Variants in ACKR3 observed in about 807,000 individuals in gnomAD.
ACKR3 encodes atypical chemokine receptor 3, also known as C-X-C chemokine receptor type 7.
ACKR3 carries 6 observed loss-of-function variants against 22.4 expected under a neutral mutation model. That is an observed-to-expected ratio of 0.27 (90% CI 0.15 to 0.53). The LOEUF (loss-of-function observed/expected upper bound fraction) is 0.53, where lower values mean the gene tolerates loss of function less well. Ranked by LOEUF, ACKR3 falls within the 20% of genes least tolerant of loss-of-function variation. The probability of loss-of-function intolerance (pLI) is 0.96; values close to 1 mark genes in which losing one functional copy is unlikely to be tolerated. For missense variants in ACKR3, 396 were observed against 475.2 expected (o/e 0.83, Z 1.55); for synonymous variants, 209 against 205.2 (o/e 1.02, Z -0.16).
At chr2:236,552,055 A>G in the ACKR3 span, among the ~76,000 whole-genome samples, 1 of 151,772 alleles carries the variant, frequency 6.6e-6, no homozygotes, top group Non-Finnish European at 1.5e-5. Flanking sequence ...CCTGGTCTCT[A>G]CCCCCGTAGA....
At chr2:236,570,318 C>G (rs144796238) in intron 1 of ACKR3, among the ~76,000 whole-genome samples, 1 of 152,282 alleles carries the variant, frequency 6.6e-6, no homozygotes, top group East Asian at 1.9e-4. Flanking sequence ...CCACTGTTTA[C>G]CTGTTTTGCT....
Position 236,577,173 on chromosome 2 carries a change from G to T in ACKR3, c.-26-3267G>T, listed in dbSNP as rs537952167. Among the ~76,000 whole-genome samples the T allele has an allele frequency of 6.6e-6, 1 of 152,120 alleles. No individual in the cohort carries two copies. Among genetic ancestry groups the T allele is most frequent in the Admixed American group, 6.5e-5 (1 of 15,284 alleles). On this transcript the variant is annotated intron_variant, in intron 1 of 1. Coordinates refer to ENST00000272928, the MANE Select transcript of ACKR3 (RefSeq NM_020311.3). The surrounding 1 kb of genome is among the most constrained non-coding windows in gnomAD (Gnocchi z 5.6). ...GAGTGATGATAGGTGGCCGGTGATC[G>T]GTGGGGCAGTGAGGAGCTCCAGCCT...
At chr2:236,546,137 C>A in the ACKR3 span, among the ~76,000 whole-genome samples, 1 of 152,186 alleles carries the variant, frequency 6.6e-6, no homozygotes, top group Admixed American at 6.5e-5. The surrounding 1 kb of genome is among the most constrained non-coding windows in gnomAD (Gnocchi z 4.9). Context: ...TTCTTTCTAA[C>A]GATTCTTGGT....
chr2:236,576,233 T>A (rs1343831950), intron 1 of ACKR3, among the ~76,000 whole-genome samples: 1 of 152,248 alleles, frequency 6.6e-6, no homozygotes, highest in Admixed American at 6.5e-5. Flanking sequence ...CCTGTGGCTA[T>A]CGGCCTTCCC....
At chr2:236,548,612 C>G in the ACKR3 span, among the ~76,000 whole-genome samples, 1 of 152,138 alleles carries the variant, frequency 6.6e-6, no homozygotes, top group Non-Finnish European at 1.5e-5. This position sits in a 1 kb window ranked among gnomAD's most constrained non-coding sequence, Gnocchi z 4.3. Flanking sequence ...ATGAGCAAAC[C>G]AATTCAGGAA....
At chr2:236,566,091 T>C (rs1486161578), upstream of ACKR3, among the ~76,000 whole-genome samples, 2 of 152,236 alleles carry the variant, frequency 1.3e-5, no homozygotes, top group Non-Finnish European at 2.9e-5. Context: ...GCCGCCGCTC[T>C]GGCCCGCCAG....
chr2:236,571,753 C>T (rs1231693441), intron 1 of ACKR3, among the ~76,000 whole-genome samples: 1 of 151,794 alleles, frequency 6.6e-6, no homozygotes, highest in Non-Finnish European at 1.5e-5. Context: ...TGAAGTCACT[C>T]AAACCTGAGG....
intron 1 of ACKR3, among the ~76,000 whole-genome samples, chr2:236,576,827 A>G (rs1691421383): frequency 6.6e-6 from 1 of 152,266 alleles, no homozygotes; most frequent in African/African-American, 2.4e-5. Flanking sequence ...AACCTAATGC[A>G]TGAAAAATAC....
the ACKR3 span, among the ~76,000 whole-genome samples, chr2:236,552,533 A>G: frequency 6.6e-6 from 1 of 152,216 alleles, no homozygotes; most frequent in Non-Finnish European, 1.5e-5. Flanking sequence ...ATTCAAAACA[A>G]CTTTCCTTTT....
At chr2:236,567,808 C>T (rs1461443917), upstream of ACKR3, 1 of 152,532 alleles carries the variant, frequency 6.6e-6, no homozygotes, top group African/African-American at 2.4e-5. Context: ...GGCCAGAATT[C>T]TCGCAGGCGC....
Position 236,580,955 on chromosome 2 carries a change from G to C in ACKR3, c.490G>C (p.Val164Leu). The C allele has an allele frequency of 6.2e-7, 1 of 1,614,124 alleles. No individual in the cohort carries two copies. The highest frequency in any genetic ancestry group is 8.5e-7 in the Non-Finnish European group (1 of 1,180,032). Residue 164 changes from valine (V) to leucine (L), a missense_variant, in exon 2 of 2, where the codon GTC (valine) becomes CTC (leucine). Coordinates refer to ENST00000272928, the MANE Select transcript of ACKR3 (RefSeq NM_020311.3). ...SSRKKMVRRV[V>L]CILVWLLAFC... ...CAGGAAGAAGATGGTACGCCGTGTC[G>C]TCTGCATCCTGGTGTGGCTGCTGGC... is the stretch of plus-strand genomic sequence containing the variant.
chr2:236,553,624 A>G, the ACKR3 span, among the ~76,000 whole-genome samples: 7 of 152,354 alleles, frequency 4.6e-5, no homozygotes, highest in East Asian at 1.9e-4. Flanking sequence ...GAAGCTCCCA[A>G]TTCCCTGGCC....
At chr2:236,579,958 A>G (rs555673949) in intron 1 of ACKR3, among the ~76,000 whole-genome samples, 1 of 152,372 alleles carries the variant, frequency 6.6e-6, no homozygotes, top group East Asian at 1.9e-4. Context: ...TTTCATTAAG[A>G]CACCAAAGCA....
chr2:236,547,756 A>C, the ACKR3 span, among the ~76,000 whole-genome samples: 6,193 of 152,006 alleles, frequency 0.041, 415 homozygotes, highest in African/African-American at 0.14. Context: ...GAAAAGTCAT[A>C]TTTCAATCTA....
intron 1 of ACKR3, among the ~76,000 whole-genome samples, chr2:236,575,117 C>G (rs959496878): frequency 1.3e-5 from 2 of 152,046 alleles, no homozygotes; most frequent in African/African-American, 4.8e-5. Context: ...TCTCTGTGGT[C>G]CAGGAAAATG....
At chr2:236,555,759 GT>G in the ACKR3 span, among the ~76,000 whole-genome samples, 1 of 150,488 alleles carries the variant, frequency 6.6e-6, no homozygotes, top group African/African-American at 2.5e-5. Context: ...ACTAGTTCTA[GT>G]TGGGTTTCTG....
chr2:236,582,044 T>C lies in ACKR3; in HGVS notation c.*490T>C, dbSNP rs1691552406. 6.1e-6 allele frequency: 1 copy of C among 164,632 alleles called. No homozygotes were observed. The highest frequency in any genetic ancestry group is 6.6e-5 in the Admixed American group (1 of 15,060). 10.2% of individuals were successfully genotyped at this position (164,632 alleles called of 1,614,324 possible). A position where few individuals can be genotyped will look rare whatever the true frequency, so the allele number is the denominator to read the frequency against. On this transcript the variant is annotated 3_prime_UTR_variant, in exon 2 of 2. Transcript: ENST00000272928. The stretch of plus-strand genomic sequence containing the variant: ...CAGTTTTGACTAAGGATGACACTAA[T>C]TGTTAGCTGTTTTGAAATTATATAT...
At chr2:236,567,820 T>A (rs998933096), upstream of ACKR3, 1 of 152,482 alleles carries the variant, frequency 6.6e-6, no homozygotes, top group Non-Finnish European at 1.5e-5. Flanking sequence ...CGCAGGCGCC[T>A]GGGCCGGGTG....
chr2:236,575,293 A>G (rs1691384379), intron 1 of ACKR3, among the ~76,000 whole-genome samples: 1 of 152,204 alleles, frequency 6.6e-6, no homozygotes, highest in Non-Finnish European at 1.5e-5. Flanking sequence ...TACTTACTGC[A>G]GGTCTTTTTC....
Sources: allele counts gnomAD v4.1 joint callset (sites outside exome capture counted in the v4.1 genomes callset), GRCh38; gene constraint gnomAD v4.1.1; non-coding constraint Gnocchi (gnomAD v3.1); transcripts MANE v1.5; gene names NCBI Gene and HGNC (gene_info 2026-07-23, HGNC 2026-07-21).